GANC: variants seen among roughly 807,000 people sequenced by gnomAD.
The protein encoded by GANC is glucosidase alpha, neutral C.
Under a neutral mutation model 124.2 loss-of-function variants are expected in GANC, and 117 were observed. The ratio of observed to expected loss-of-function variants is 0.94; its 90% CI spans 0.81 to 1.10. The LOEUF is 1.10. Ranked by LOEUF, GANC falls within the 50% of genes least tolerant of loss-of-function variation. GANC has a pLI of 0.00. For missense variants in GANC, 1,140 were observed against 1,095.0 expected (o/e 1.04, Z -0.58); for synonymous variants, 377 against 376.8 (o/e 1.00, Z -0.01).
At chr15:42,312,840 C>T (rs2052065363) in intron 10 of GANC, among the ~76,000 whole-genome samples, 2 of 150,318 alleles carry the variant, frequency 1.3e-5, no homozygotes, top group African/African-American at 2.5e-5. Flanking sequence ...GAGGCTGAGG[C>T]AGAAGAATCG....
In GANC at chr15:42,337,181, C is replaced by T. The variant is rs147826756; in HGVS notation, c.1742-1208C>T. 8.6e-3 allele frequency among the ~76,000 whole-genome samples: 1,313 copies of T among 152,190 alleles called. 16 individuals carry two copies. The highest frequency in any genetic ancestry group is 0.029 in the African/African-American group (1,223 of 41,502). The stretch of plus-strand genomic sequence containing the variant: ...TCATTCTGTCATAAAGACACATGCG[C>T]GTGTATGTTTACTGCAGCACCTGTT... On this transcript the variant is annotated intron_variant, in intron 15 of 23. Transcript: ENST00000318010.
Position 42,287,732 on chromosome 15 carries a change from T to C in GANC, c.243T>C (p.Ile81=). Residue 81 remains isoleucine, a synonymous_variant, in exon 4 of 24, where the codon ATT becomes ATC. Transcript: ENST00000318010. Reference sequence around the variant, plus strand: ...AAATTTATGGTATAGAAGGAAACATTTTCAGGCTTAAAATTAATGAAGAGA... The same window carrying C: ...AAATTTATGGTATAGAAGGAAACATCTTCAGGCTTAAAATTAATGAAGAGA... ...LAEIYGIEGN[I]FRLKINEETP... The C allele has an allele frequency of 6.2e-7, 1 of 1,613,080 alleles. No homozygotes were observed. Among genetic ancestry groups the C allele is most frequent in the Non-Finnish European group, 8.5e-7 (1 of 1,179,410 alleles).
At chr15:42,280,693 C>G (rs2051723108) in intron 3 of GANC, among the ~76,000 whole-genome samples, 1 of 152,142 alleles carries the variant, frequency 6.6e-6, no homozygotes, top group South Asian at 2.1e-4. Flanking sequence ...GAATCCCTAT[C>G]CATTCTTGAG....
At position 42,345,584 on chromosome 15, in the gene GANC, A is replaced by T. The variant is rs574581393; in HGVS notation, c.2230-174A>T. 7.2e-5 allele frequency among the ~76,000 whole-genome samples: 11 copies of T among 152,320 alleles called. 1 individual carries two copies. In the East Asian group the frequency reaches 1.4e-3, roughly 19 times the overall value. Reference sequence around the variant, plus strand: ...AATTAATCAGCCATAGTCTTTTGGGATCTTCCTAAAAGCACGTATTCTTCC... The same window carrying T: ...AATTAATCAGCCATAGTCTTTTGGGTTCTTCCTAAAAGCACGTATTCTTCC... On this transcript the variant is annotated intron_variant, in intron 19 of 23. Coordinates refer to ENST00000318010, the MANE Select transcript of GANC (RefSeq NM_198141.3).
intron 10 of GANC, among the ~76,000 whole-genome samples, chr15:42,316,934 A>G (rs1169401041): frequency 1.3e-5 from 2 of 152,150 alleles, no homozygotes; most frequent in Non-Finnish European, 2.9e-5. Flanking sequence ...TGGTTATTCT[A>G]GGTTATATTA....
At position 42,352,861 on chromosome 15, in the gene GANC, G is replaced by C. The variant is rs1595788982; in HGVS notation, c.*722G>C. On this transcript the variant is annotated 3_prime_UTR_variant, in exon 24 of 24. Transcript: ENST00000318010. ...TAATAACAATGAAATAAATACCCAT[G>C]TACCCACCACTGGACTTCAGAAGTA... 1.9e-6 allele frequency: 1 copy of C among 523,628 alleles called. No individual in the cohort carries two copies. Among genetic ancestry groups the C allele is most frequent in the South Asian group, 8.3e-5 (1 of 12,016 alleles). 32.4% of individuals were successfully genotyped at this position (523,628 alleles called of 1,614,324 possible). A position where few individuals can be genotyped will look rare whatever the true frequency, so the allele number is the denominator to read the frequency against.
At chr15:42,289,165 G>A (rs2051819244) in intron 4 of GANC, among the ~76,000 whole-genome samples, 1 of 152,142 alleles carries the variant, frequency 6.6e-6, no homozygotes, top group African/African-American at 2.4e-5. Flanking sequence ...AGACTCCCTT[G>A]TAGCTACAGG....
At chr15:42,349,743 G>A (rs1024289299) in intron 22 of GANC, among the ~76,000 whole-genome samples, 1 of 151,972 alleles carries the variant, frequency 6.6e-6, no homozygotes, top group Admixed American at 6.6e-5. Flanking sequence ...CACCTCCTGG[G>A]TTCAAGTGAT....
intron 4 of GANC, among the ~76,000 whole-genome samples, chr15:42,288,944 A>G (rs79559251): frequency 4.6e-5 from 7 of 152,310 alleles, no homozygotes; most frequent in Non-Finnish European, 7.3e-5. Context: ...AGGATAGTAC[A>G]GCCTTCACAA....
rs377160213 is a variant in GANC, at chr15:42,310,745, G to A, written c.956G>A (p.Arg319His). 12 of 1,613,866 alleles carry A rather than the reference G, an allele frequency of 7.4e-6. No homozygotes were observed. The highest frequency in any genetic ancestry group is 6.7e-5 in the Admixed American group (4 of 59,986). ...GCTGCTAAACAAAAGGTCAGATCTC[G>A]CACTCATGTGCACTGGATGTCAGAG... is the stretch of plus-strand genomic sequence containing the variant. ...PVAAKQKVRS[R>H]THVHWMSESG... The change falls in exon 10 of 24, where the codon CGC becomes CAC. Residue 319 changes from arginine (R) to histidine (H), a missense_variant. Coordinates refer to ENST00000318010, the MANE Select transcript of GANC (RefSeq NM_198141.3).
chr15:42,297,040 A>T (rs1418603818), intron 5 of GANC, among the ~76,000 whole-genome samples: 1 of 152,138 alleles, frequency 6.6e-6, no homozygotes, highest in Non-Finnish European at 1.5e-5. Context: ...CTGAGCACTG[A>T]AATACAACTA....
Position 42,285,665 on chromosome 15 carries a change from C to T in GANC, c.202-2026C>T, listed in dbSNP as rs536084267. Among the ~76,000 whole-genome samples the T allele has an allele frequency of 1.3e-4, 20 of 152,168 alleles. 1 individual carries two copies. The South Asian group carries it at 3.7e-3, about 28-fold the overall frequency. On this transcript the variant is annotated intron_variant, in intron 3 of 23. Transcript: ENST00000318010. ...CAAAAATTAGCCTGGTGTGATGGCA[C>T]GCACCTGTAATTCCAGCTACTCAGG...
Position 42,353,524 on chromosome 15 carries a change from C to T in GANC, c.*1385C>T. 1.0e-6 allele frequency: 1 copy of T among 968,034 alleles called. No homozygotes were observed. The highest frequency in any genetic ancestry group is 1.2e-6 in the Non-Finnish European group (1 of 814,244). The allele number at this position is 968,034 out of a possible 1,614,324, so 60.0% of individuals were successfully genotyped here. A position where few individuals can be genotyped will look rare whatever the true frequency, so the allele number is the denominator to read the frequency against. Reference sequence around the variant, plus strand: ...AATGTTTTCAGTATGTCTGCGTTCTCCTACTAGATTGTATGTCCCTCAAGA... The same window carrying T: ...AATGTTTTCAGTATGTCTGCGTTCTTCTACTAGATTGTATGTCCCTCAAGA... On this transcript the variant is annotated 3_prime_UTR_variant, in exon 24 of 24. Transcript: ENST00000318010.
chr15:42,331,795 A>T (rs2052247516), intron 15 of GANC, among the ~76,000 whole-genome samples: 1 of 152,124 alleles, frequency 6.6e-6, no homozygotes, highest in Non-Finnish European at 1.5e-5. Flanking sequence ...ATTTATGTTT[A>T]AAAAATTTTT....
chr15:42,347,508 C>T (rs1166399295), intron 20 of GANC, among the ~76,000 whole-genome samples: 1 of 152,130 alleles, frequency 6.6e-6, no homozygotes, highest in African/African-American at 2.4e-5. Flanking sequence ...TTGGTAGTCT[C>T]TAATGTAAGA....
At chr15:42,310,894 T>C (rs2052044555) in intron 10 of GANC, 48 bp downstream of exon 10, 1 of 1,563,692 alleles carries the variant, frequency 6.4e-7, no homozygotes, top group Non-Finnish European at 8.8e-7. Flanking sequence ...ACATATCCAA[T>C]GTCCCATGTG....
intron 3 of GANC, among the ~76,000 whole-genome samples, chr15:42,285,726 C>T (rs1172939219): frequency 6.6e-6 from 1 of 152,114 alleles, no homozygotes; most frequent in African/African-American, 2.4e-5. Flanking sequence ...ACCTAGGAGG[C>T]GGAGGTTGCA....
chr15:42,320,227 T>C (rs1295559783), intron 10 of GANC, among the ~76,000 whole-genome samples: 1 of 152,118 alleles, frequency 6.6e-6, no homozygotes, highest in Non-Finnish European at 1.5e-5. Context: ...TTTCAGATTT[T>C]AAAGTATTTC....
intron 18 of GANC, among the ~76,000 whole-genome samples, chr15:42,341,403 C>T (rs1386209527): frequency 6.6e-6 from 1 of 152,124 alleles, no homozygotes; most frequent in African/African-American, 2.4e-5. Flanking sequence ...ACCAGAAGAG[C>T]TTATTTCATA....
Sources: allele counts gnomAD v4.1 joint callset (sites outside exome capture counted in the v4.1 genomes callset), GRCh38; gene constraint gnomAD v4.1.1; transcripts MANE v1.5; gene names NCBI Gene and HGNC (gene_info 2026-07-23, HGNC 2026-07-21).